Variants in GALNT13 observed in about 807,000 individuals in gnomAD.
The protein encoded by GALNT13 is UDP-GalNAc:polypeptide N-acetylgalactosaminyltransferase 13.
In GALNT13, 28 loss-of-function variants were observed where a neutral mutation model predicts 64.2. The observed-to-expected ratio is 0.44, with a 90% CI of 0.32 to 0.60. GALNT13 has a LOEUF of 0.60. GALNT13 is among the 20% of genes least tolerant of loss of function. The probability of loss-of-function intolerance (pLI) is 0.05; values close to 1 mark genes in which losing one functional copy is unlikely to be tolerated. For synonymous variants in GALNT13, 214 were observed against 224.6 expected, an observed-to-expected ratio of 0.95 and a Z score of 0.42; for missense variants, 577 against 669.8, an observed-to-expected ratio of 0.86 and a Z score of 1.53.
chr2:154,179,101 G>A (rs1685816953), intron 4 of GALNT13, among the ~76,000 whole-genome samples: 2 of 152,016 alleles, frequency 1.3e-5, no homozygotes, highest in East Asian at 1.9e-4. Flanking sequence ...TATCCTTCGT[G>A]TCCCAACAAA....
At chr2:154,357,918 C>T (rs1325215126) in intron 9 of GALNT13, among the ~76,000 whole-genome samples, 1 of 152,012 alleles carries the variant, frequency 6.6e-6, no homozygotes, top group Non-Finnish European at 1.5e-5. Context: ...TTTAAAATTT[C>T]TCCTTTATTT....
the GALNT13 span, among the ~76,000 whole-genome samples, chr2:153,759,697 ACTGTTG>A: frequency 6.6e-6 from 1 of 152,086 alleles, no homozygotes; most frequent in African/African-American, 2.4e-5. Flanking sequence ...CATTTAATAC[ACTGTTG>A]ATTAGATATT....
intron 4 of GALNT13, among the ~76,000 whole-genome samples, chr2:154,177,831 C>G (rs1685737659): frequency 6.6e-6 from 1 of 152,076 alleles, no homozygotes; most frequent in Non-Finnish European, 1.5e-5. Context: ...CAACACAGGA[C>G]TATATTTTTG....
intron 7 of GALNT13, among the ~76,000 whole-genome samples, chr2:154,257,966 C>T (rs1241354717): frequency 6.6e-6 from 1 of 152,046 alleles, no homozygotes; most frequent in Non-Finnish European, 1.5e-5. Flanking sequence ...AAAGTCGGGC[C>T]CCACCCCAAG....
the GALNT13 span, among the ~76,000 whole-genome samples, chr2:153,285,283 T>C: frequency 1.3e-5 from 2 of 152,072 alleles, no homozygotes; most frequent in Non-Finnish European, 2.9e-5. Flanking sequence ...CCTTGATTTG[T>C]GGGGATAATT....
chr2:153,373,579 C>G, the GALNT13 span, among the ~76,000 whole-genome samples: 2 of 152,114 alleles, frequency 1.3e-5, no homozygotes, highest in Non-Finnish European at 1.5e-5. Flanking sequence ...CTATATTTTT[C>G]AAACTAAAAA....
chr2:154,335,598 C>T (rs969947537), intron 9 of GALNT13, among the ~76,000 whole-genome samples: 38 of 151,846 alleles, frequency 2.5e-4, no homozygotes, highest in African/African-American at 8.9e-4. Context: ...TGTAATGGCC[C>T]TTTGTTGTTC....
intron 3 of GALNT13, among the ~76,000 whole-genome samples, chr2:153,982,983 TA>T (rs1694567795): frequency 6.6e-6 from 1 of 151,972 alleles, no homozygotes; most frequent in Non-Finnish European, 1.5e-5. Context: ...TAAATTTTCT[TA>T]ATGTATTGAA....
At chr2:153,912,884 T>A (rs536570123) in intron 2 of GALNT13, among the ~76,000 whole-genome samples, 1 of 152,334 alleles carries the variant, frequency 6.6e-6, no homozygotes, top group Non-Finnish European at 1.5e-5. Context: ...TATCCTCATT[T>A]GCATGTGCTA....
At chr2:153,657,033 A>G in the GALNT13 span, among the ~76,000 whole-genome samples, 3 of 152,086 alleles carry the variant, frequency 2.0e-5, no homozygotes. Context: ...ATGGGGAAAA[A>G]TGGAAAAGGG....
At chr2:153,464,862 AAAT>A in the GALNT13 span, among the ~76,000 whole-genome samples, 24 of 152,158 alleles carry the variant, frequency 1.6e-4, no homozygotes, top group Admixed American at 1.3e-3. Context: ...TTGAAATAAA[AAAT>A]AATAAAAAGC....
chr2:154,101,910 TCAG>T (rs1702366962), intron 3 of GALNT13, among the ~76,000 whole-genome samples: 1 of 152,144 alleles, frequency 6.6e-6, no homozygotes, highest in East Asian at 1.9e-4. Flanking sequence ...CAAAAGTAAT[TCAG>T]GAGCAAGTTG....
intron 8 of GALNT13, among the ~76,000 whole-genome samples, chr2:154,289,022 C>A (rs1692447389): frequency 1.3e-5 from 2 of 152,186 alleles, no homozygotes; most frequent in African/African-American, 2.4e-5. Context: ...GAGGGCTGCA[C>A]CCCTGTAGCA....
At chr2:154,318,724 CA>C (rs5835510) in intron 9 of GALNT13, among the ~76,000 whole-genome samples, 22,602 of 96,502 alleles carry the variant, frequency 0.23, 1,730 homozygotes, top group Middle Eastern at 0.38. Flanking sequence ...AACTCCATTT[CA>C]AAAAAAAAAA....
intron 9 of GALNT13, among the ~76,000 whole-genome samples, chr2:154,367,452 A>C (rs1697433977): frequency 6.6e-6 from 1 of 152,214 alleles, no homozygotes; most frequent in South Asian, 2.1e-4. Context: ...AAGTCATAAA[A>C]CATTCCTGAA....
the GALNT13 span, among the ~76,000 whole-genome samples, chr2:153,237,582 T>G: frequency 6.6e-6 from 1 of 152,076 alleles, no homozygotes; most frequent in Non-Finnish European, 1.5e-5. Context: ...ATGCAAAGGT[T>G]TTCTTTATGT....
intron 4 of GALNT13, among the ~76,000 whole-genome samples, chr2:154,164,171 G>A (rs1684893348): frequency 6.6e-6 from 1 of 151,848 alleles, no homozygotes; most frequent in African/African-American, 2.4e-5. Context: ...CAACATATGA[G>A]ACAGGAAAAA....
At chr2:154,195,732 A>C (rs1686844470) in intron 4 of GALNT13, among the ~76,000 whole-genome samples, 1 of 152,088 alleles carries the variant, frequency 6.6e-6, no homozygotes, top group Admixed American at 6.6e-5. Flanking sequence ...AATATTAGCT[A>C]TGGGGCTTAA....
the GALNT13 span, among the ~76,000 whole-genome samples, chr2:153,577,747 T>C: frequency 2.0e-5 from 3 of 151,918 alleles, no homozygotes; most frequent in South Asian, 4.1e-4. Flanking sequence ...AAACACCGTG[T>C]TCCTGTGATT....
Sources: gnomAD v4.1 joint callset for allele counts (sites outside exome capture counted in the v4.1 genomes callset) on GRCh38, gnomAD v4.1.1 for gene constraint, MANE v1.5 for transcripts, NCBI Gene and HGNC (gene_info 2026-07-23, HGNC 2026-07-21) for gene names.